ULK4: variants seen among roughly 807,000 people sequenced by gnomAD.
ULK4 encodes inactive serine/threonine-protein kinase ULK4.
A neutral mutation model predicts 160.6 loss-of-function variants in ULK4; 133 were observed. The observed-to-expected ratio is 0.83, with a 90% confidence interval of 0.72 to 0.96. ULK4 has a LOEUF of 0.96. Ranked by LOEUF, ULK4 falls within the 40% of genes least tolerant of loss-of-function variation. ULK4 has a pLI of 0.00. For synonymous variants in ULK4, 534 were observed against 539.8 expected (o/e 0.99, Z 0.15); for missense variants, 1,580 against 1,499.5 (o/e 1.05, Z -0.89).
chr3:41,807,972 G>T (rs1170478010), intron 19 of ULK4, among the ~76,000 whole-genome samples: 1 of 152,078 alleles, frequency 6.6e-6, no homozygotes, highest in Non-Finnish European at 1.5e-5. Flanking sequence ...TTCCCCATCC[G>T]CCCTTGGGGA....
At chr3:41,280,458 C>T (rs1162182919) in intron 35 of ULK4, among the ~76,000 whole-genome samples, 1 of 152,236 alleles carries the variant, frequency 6.6e-6, no homozygotes, top group African/African-American at 2.4e-5. Flanking sequence ...AATAAACTGT[C>T]TCTCAGACCA....
At chr3:41,783,708 T>G (rs2039921177) in intron 21 of ULK4, among the ~76,000 whole-genome samples, 1 of 152,168 alleles carries the variant, frequency 6.6e-6, no homozygotes, top group Admixed American at 6.5e-5. Context: ...AATCCTAAAA[T>G]TTGTCACTAT....
chr3:41,387,946 C>A (rs1292974017), intron 35 of ULK4, among the ~76,000 whole-genome samples: 2 of 152,196 alleles, frequency 1.3e-5, no homozygotes, highest in Non-Finnish European at 2.9e-5. Flanking sequence ...GAGGAATCGC[C>A]ACACTGACTT....
chr3:41,827,895 C>T (rs1046719388), intron 18 of ULK4, among the ~76,000 whole-genome samples: 22 of 151,996 alleles, frequency 1.4e-4, no homozygotes, highest in Admixed American at 2.0e-4. Flanking sequence ...ATGCAAAAAT[C>T]CCCAATAAAA....
At chr3:41,482,936 C>T (rs1258537917) in intron 32 of ULK4, among the ~76,000 whole-genome samples, 1 of 152,072 alleles carries the variant, frequency 6.6e-6, no homozygotes, top group African/African-American at 2.4e-5. Flanking sequence ...TATTTTGGTG[C>T]AGGCATCTGA....
intron 32 of ULK4, among the ~76,000 whole-genome samples, chr3:41,478,866 C>G (rs1334518071): frequency 6.6e-6 from 1 of 152,164 alleles, no homozygotes; most frequent in Non-Finnish European, 1.5e-5. Flanking sequence ...ATGACTAATT[C>G]AAAAACTAAA....
At chr3:41,685,407 T>C (rs144632902) in intron 27 of ULK4, among the ~76,000 whole-genome samples, 12 of 152,166 alleles carry the variant, frequency 7.9e-5, no homozygotes, top group African/African-American at 2.4e-4. Flanking sequence ...ACAAAACCCA[T>C]ACCACTACCT....
Position 41,399,074 on chromosome 3 carries a change from A to C in ULK4, c.3493-810T>G, listed in dbSNP as rs114139264. The stretch of plus-strand genomic sequence containing the variant: ...TACTGACCCGCTTCATAGTAACTCT[A>C]TATTTAACCTTTTGAAGAACTGCCA... On this transcript the variant is annotated intron_variant, in intron 34 of 36. Coordinates refer to ENST00000301831, the MANE Select transcript of ULK4 (RefSeq NM_017886.4). 4.2e-3 allele frequency among the ~76,000 whole-genome samples: 633 copies of C among 152,268 alleles called. 1 individual carries two copies. Among genetic ancestry groups the C allele is most frequent in the African/African-American group, 0.015 (606 of 41,578 alleles).
intron 20 of ULK4, among the ~76,000 whole-genome samples, chr3:41,797,146 A>G (rs894201182): frequency 6.6e-6 from 1 of 152,134 alleles, no homozygotes; most frequent in African/African-American, 2.4e-5. Context: ...CAACTTATAT[A>G]TACAAGGCCA....
chr3:41,623,506 A>G (rs2033351552), intron 30 of ULK4, among the ~76,000 whole-genome samples: 2 of 152,256 alleles, frequency 1.3e-5, no homozygotes, highest in East Asian at 3.8e-4. Context: ...AAAATGCAGC[A>G]TATGTACACA....
intron 21 of ULK4, among the ~76,000 whole-genome samples, chr3:41,781,710 G>A (rs1240666201): frequency 3.3e-5 from 5 of 152,086 alleles, no homozygotes; most frequent in East Asian, 1.9e-4. Flanking sequence ...AGGCTGAGGC[G>A]AGTGGATCAC....
chr3:41,536,722 A>C (rs1194823948), intron 32 of ULK4, among the ~76,000 whole-genome samples: 1 of 152,142 alleles, frequency 6.6e-6, no homozygotes, highest in African/African-American at 2.4e-5. Context: ...ATGCCTTCTG[A>C]GTAGGCTGAG....
At chr3:41,592,106 C>T (rs777796771) in intron 31 of ULK4, among the ~76,000 whole-genome samples, 5 of 152,136 alleles carry the variant, frequency 3.3e-5, no homozygotes, top group South Asian at 2.1e-4. Flanking sequence ...CTGCAGGAAC[C>T]GGGAGACACC....
intron 32 of ULK4, among the ~76,000 whole-genome samples, chr3:41,556,243 T>C (rs951611826): frequency 2.6e-5 from 4 of 152,130 alleles, no homozygotes; most frequent in Admixed American, 1.3e-4. Flanking sequence ...TTCTGAAATG[T>C]AGGAAAATAA....
chr3:41,292,599 A>G (rs1575402662), intron 35 of ULK4, among the ~76,000 whole-genome samples: 1 of 151,676 alleles, frequency 6.6e-6, no homozygotes, highest in Non-Finnish European at 1.5e-5. Flanking sequence ...GTAAGCTGAG[A>G]TCATGCCACT....
intron 9 of ULK4, 69 bp downstream of exon 9, chr3:41,912,738 T>C (rs1698832432): frequency 2.3e-6 from 3 of 1,307,630 alleles, no homozygotes; most frequent in African/African-American, 1.5e-5. Context: ...TGATGTTGTA[T>C]ATTTAGAACA....
At chr3:41,384,475 T>C (rs112104624) in intron 35 of ULK4, among the ~76,000 whole-genome samples, 38 of 152,274 alleles carry the variant, frequency 2.5e-4, no homozygotes, top group Middle Eastern at 3.4e-3. Flanking sequence ...AGGCGATCAC[T>C]TGAGCCCAGT....
intron 34 of ULK4, among the ~76,000 whole-genome samples, chr3:41,446,547 TA>T (rs1387122068): frequency 6.6e-5 from 10 of 151,750 alleles, no homozygotes; most frequent in Admixed American, 6.6e-4. Flanking sequence ...TATGCAGCCA[TA>T]AAAAAGGATG....
intron 17 of ULK4, among the ~76,000 whole-genome samples, chr3:41,858,143 G>GTTT (rs1196253451): frequency 1.3e-5 from 1 of 74,838 alleles, no homozygotes; most frequent in East Asian, 4.7e-4. Flanking sequence ...GGTTTTTTTT[G>GTTT]TTTGTTTTTT....
Sources: gnomAD v4.1 joint callset for allele counts (sites outside exome capture counted in the v4.1 genomes callset) on GRCh38, gnomAD v4.1.1 for gene constraint, MANE v1.5 for transcripts, NCBI Gene and HGNC (gene_info 2026-07-23, HGNC 2026-07-21) for gene names.